The following RCOR3 variants were observed in gnomAD, a reference collection of about 807,000 sequenced individuals.
RCOR3 encodes the protein REST corepressor 3.
In RCOR3, 13 loss-of-function variants were observed where a neutral mutation model predicts 64.1. The ratio of observed to expected loss-of-function variants is 0.20; its 90% CI spans 0.13 to 0.32. RCOR3 has a LOEUF of 0.32. Among genes scored for constraint, RCOR3 ranks in the 10% least tolerant of loss-of-function variants. The pLI is 1.00. For missense variants in RCOR3, 489 were observed against 701.2 expected, an observed-to-expected ratio of 0.70 and a Z score of 3.42; for synonymous variants, 215 against 239.0, an observed-to-expected ratio of 0.90 and a Z score of 0.93.
At chr1:211,260,240 G>T (rs1355040367) in intron 2 of RCOR3, 76 bp downstream of exon 2, 6 of 1,371,588 alleles carry the variant, frequency 4.4e-6, no homozygotes, top group South Asian at 1.2e-5. Flanking sequence ...CTAGGAGTCC[G>T]GGCATGGGGC....
intron 7 of RCOR3, among the ~76,000 whole-genome samples, chr1:211,287,981 A>G (rs1407142067): frequency 6.6e-6 from 1 of 152,106 alleles, no homozygotes; most frequent in Non-Finnish European, 1.5e-5. Flanking sequence ...AGCCCAAGGT[A>G]GGCAGATCAC....
chr1:211,290,459 C>G (rs1397184873), intron 8 of RCOR3, among the ~76,000 whole-genome samples: 4 of 152,196 alleles, frequency 2.6e-5, no homozygotes, highest in Non-Finnish European at 5.9e-5. Flanking sequence ...TCTTTTTTAT[C>G]TCATCACTAC....
chr1:211,276,480 C>T (rs1696968985), intron 5 of RCOR3, 62 bp downstream of exon 5: 3 of 1,342,592 alleles, frequency 2.2e-6, no homozygotes, highest in Admixed American at 2.2e-5. Flanking sequence ...TACTATTAAA[C>T]ACTTCCTAAT....
At chr1:211,311,261 C>T (rs993503459) in intron 10 of RCOR3, among the ~76,000 whole-genome samples, 1 of 152,014 alleles carries the variant, frequency 6.6e-6, no homozygotes, top group Admixed American at 6.6e-5. Context: ...ACATTATAAA[C>T]GATGTCTATC....
At chr1:211,266,568 A>G (rs1479851975) in intron 2 of RCOR3, among the ~76,000 whole-genome samples, 2 of 152,188 alleles carry the variant, frequency 1.3e-5, no homozygotes, top group Non-Finnish European at 2.9e-5. Flanking sequence ...CTTGCTATCT[A>G]GGTTTTGGTT....
At chr1:211,279,015 C>T (rs1302101501) in intron 6 of RCOR3, among the ~76,000 whole-genome samples, 2 of 151,894 alleles carry the variant, frequency 1.3e-5, no homozygotes, top group Admixed American at 6.6e-5. Context: ...GGTGAAACCC[C>T]GTCTCTACTA....
rs12043006 is a variant in RCOR3, at chr1:211,312,159, T to G, written c.1076-561T>G. ...GATTCTCCTGCTTTTCATGTTTAAG[T>G]TCTTATCTAATTTCAATTTGTTGGT... On this transcript the variant is annotated intron_variant, in intron 10 of 11. Coordinates refer to ENST00000419091, the MANE Select transcript of RCOR3 (RefSeq NM_001136223.3). This position sits in a 1 kb window ranked among gnomAD's most constrained non-coding sequence, Gnocchi z 5.0. 122 of 210,168 alleles carry G rather than the reference T, an allele frequency of 5.8e-4. No individual in the cohort carries two copies. Among genetic ancestry groups the G allele is most frequent in the East Asian group, 3.0e-3 (29 of 9,704 alleles). 13.0% of individuals were successfully genotyped at this position (210,168 alleles called of 1,614,324 possible).
At chr1:211,302,862 A>G (rs975685061) in intron 9 of RCOR3, 2 of 152,194 alleles carry the variant, frequency 1.3e-5, no homozygotes, top group Non-Finnish European at 2.9e-5. Flanking sequence ...TTCTGAATAG[A>G]GTTCCTCCTC....
chr1:211,292,064 G>T (rs6692998), intron 8 of RCOR3, among the ~76,000 whole-genome samples: 311 of 152,112 alleles, frequency 2.0e-3, no homozygotes, highest in African/African-American at 7.3e-3. Flanking sequence ...GGAGTTCAAG[G>T]TTTACAGTAG....
chr1:211,310,834 A>T (rs1558115237), intron 10 of RCOR3, among the ~76,000 whole-genome samples: 1 of 152,174 alleles, frequency 6.6e-6, no homozygotes, highest in African/African-American at 2.4e-5. Flanking sequence ...CTTCCTAGGA[A>T]TACAGTCTAA....
chr1:211,296,295 A>C (rs1699857577), intron 9 of RCOR3, among the ~76,000 whole-genome samples: 1 of 151,186 alleles, frequency 6.6e-6, no homozygotes, highest in African/African-American at 2.4e-5. Context: ...TTCAGTTGAA[A>C]CCTAAATATG....
chr1:211,291,842 G>A (rs1408085762), intron 8 of RCOR3, among the ~76,000 whole-genome samples: 1 of 152,162 alleles, frequency 6.6e-6, no homozygotes, highest in African/African-American at 2.4e-5. Flanking sequence ...TTTATGGGCT[G>A]ACATGGTGGC....
chr1:211,315,968 G>A lies in RCOR3; in HGVS notation c.*2200G>A, dbSNP rs991245798. ...TTTTGTTTAAGCAGTGTTTGGCCTGGAAGAGTGATATGCTTGCTGCTTAAT... is the reference window on the plus strand; with the variant it reads ...TTTTGTTTAAGCAGTGTTTGGCCTGAAAGAGTGATATGCTTGCTGCTTAAT... On this transcript the variant is annotated 3_prime_UTR_variant, in exon 12 of 12. Transcript: ENST00000419091. The A allele has an allele frequency of 6.6e-6, 1 of 152,178 alleles. No homozygotes were observed. Among genetic ancestry groups the A allele is most frequent in the Non-Finnish European group, 1.5e-5 (1 of 68,024 alleles). 9.4% of individuals were successfully genotyped at this position (152,178 alleles called of 1,614,324 possible).
Position 211,314,593 on chromosome 1 carries a change from G to A in RCOR3, c.*825G>A, listed in dbSNP as rs1194893196. ...TAATCTCTTTAAGTTCCTTGAAAAT[G>A]GAGTTGGTTTTTTTTGTTTCTAAAT... On this transcript the variant is annotated 3_prime_UTR_variant, in exon 12 of 12. Coordinates refer to ENST00000419091, the MANE Select transcript of RCOR3 (RefSeq NM_001136223.3). The A allele has an allele frequency of 6.6e-6, 1 of 152,142 alleles. No homozygotes were observed. The highest frequency in any genetic ancestry group is 1.5e-5 in the Non-Finnish European group (1 of 68,000). The allele number at this position is 152,142 out of a possible 1,614,324, so 9.4% of individuals were successfully genotyped here.
intron 10 of RCOR3, among the ~76,000 whole-genome samples, chr1:211,308,664 TTTTTTTTTG>T (rs1240650633): frequency 1.6e-3 from 42 of 25,704 alleles, no homozygotes; most frequent in African/African-American, 3.1e-3. Flanking sequence ...TGGATGTGTT[TTTTTTTTTG>T]TTTTTTTTTT....
At chr1:211,280,281 C>T (rs961772854) in intron 7 of RCOR3, among the ~76,000 whole-genome samples, 8 of 152,174 alleles carry the variant, frequency 5.3e-5, no homozygotes, top group Admixed American at 1.3e-4. Context: ...CCCTTAAATT[C>T]CAGCCCTTCC....
rs1047690550 is a variant in RCOR3 at position 211,289,282 on chromosome 1, A to C, written c.825A>C (p.Pro275=). The C allele has an allele frequency of 6.2e-7, 1 of 1,613,984 alleles. No homozygotes were observed. Among genetic ancestry groups the C allele is most frequent in the Non-Finnish European group, 8.5e-7 (1 of 1,180,022 alleles). Residue 275 remains proline (P), a synonymous_variant, in exon 8 of 12, where the codon CCA becomes CCC. Coordinates refer to ENST00000419091, the MANE Select transcript of RCOR3 (RefSeq NM_001136223.3). ...ATTCTCAGCGTTCTAAGTGCCGTCC[A>C]CCTAAGGGCATGTATTTAACCCAGG... ...RHHSQRSKCR[P]PKGMYLTQED...
chr1:211,292,072 T>C (rs1455956704), intron 8 of RCOR3, among the ~76,000 whole-genome samples: 1 of 151,866 alleles, frequency 6.6e-6, no homozygotes, highest in Non-Finnish European at 1.5e-5. Flanking sequence ...AGGTTTACAG[T>C]AGAAAAAAAA....
chr1:211,281,992 A>G (rs1370629637), intron 7 of RCOR3, among the ~76,000 whole-genome samples: 1 of 152,134 alleles, frequency 6.6e-6, no homozygotes, highest in Admixed American at 6.5e-5. Context: ...TACATGCTAT[A>G]TGCTCTTAAT....
Sources: allele counts gnomAD v4.1 joint callset (sites outside exome capture counted in the v4.1 genomes callset), GRCh38; gene constraint gnomAD v4.1.1; non-coding constraint Gnocchi (gnomAD v3.1); transcripts MANE v1.5; gene names NCBI Gene and HGNC (gene_info 2026-07-23, HGNC 2026-07-21).